The following CSMD1 variants were observed in gnomAD, a reference collection of about 807,000 sequenced individuals.
CSMD1 encodes the protein CUB and sushi domain-containing protein 1.
A neutral mutation model predicts 417.5 loss-of-function variants in CSMD1; 213 were observed. That is an observed-to-expected ratio of 0.51 (90% CI 0.46 to 0.57). CSMD1 has a LOEUF of 0.57. CSMD1 is among the 20% of genes least tolerant of loss of function. The pLI, the probability that CSMD1 is intolerant of heterozygous loss-of-function variation, is 0.00. For missense variants in CSMD1, 6,923 were observed against 4,529.7 expected, an observed-to-expected ratio of 1.53 and a Z score of -15.17; for synonymous variants, 2,862 against 1,736.8, an observed-to-expected ratio of 1.65 and a Z score of -16.11.
intron 3 of CSMD1, among the ~76,000 whole-genome samples, chr8:4,240,293 C>T (rs890119771): frequency 3.9e-5 from 6 of 152,184 alleles, no homozygotes; most frequent in Non-Finnish European, 8.8e-5. Flanking sequence ...TTGCTTTGAC[C>T]CTTATCACCT....
chr8:4,147,090 T>C (rs1050643977), intron 3 of CSMD1, among the ~76,000 whole-genome samples: 23 of 152,040 alleles, frequency 1.5e-4, no homozygotes, highest in Middle Eastern at 6.8e-3. Flanking sequence ...CTCACTCCAA[T>C]GACTGTTTAG....
At chr8:3,601,586 A>G (rs977068232) in intron 8 of CSMD1, among the ~76,000 whole-genome samples, 5 of 152,128 alleles carry the variant, frequency 3.3e-5, no homozygotes, top group African/African-American at 9.6e-5. Context: ...AGTCACCACA[A>G]TCTACTGTAG....
chr8:3,536,511 G>C (rs899796002), intron 10 of CSMD1, among the ~76,000 whole-genome samples: 4 of 152,120 alleles, frequency 2.6e-5, no homozygotes, highest in Non-Finnish European at 5.9e-5. Flanking sequence ...TCCTCTCCAG[G>C]GTATCTTCGA....
chr8:4,330,073 T>C (rs757479400), intron 3 of CSMD1, among the ~76,000 whole-genome samples: 5 of 152,140 alleles, frequency 3.3e-5, no homozygotes, highest in Non-Finnish European at 7.3e-5. Context: ...GTCTCATATA[T>C]TTCTTTAGAG....
chr8:3,342,978 C>T (rs117170776), intron 23 of CSMD1, among the ~76,000 whole-genome samples: 3,320 of 152,148 alleles, frequency 0.022, 46 homozygotes, highest in Non-Finnish European at 0.035. Flanking sequence ...CATATATAAG[C>T]ACATGAATTT....
At chr8:3,748,404 G>A (rs1797161111) in intron 6 of CSMD1, among the ~76,000 whole-genome samples, 1 of 152,164 alleles carries the variant, frequency 6.6e-6, no homozygotes, top group African/African-American at 2.4e-5. Context: ...CACTGCCATG[G>A]AAACAGGCAG....
intron 3 of CSMD1, among the ~76,000 whole-genome samples, chr8:4,061,985 C>T (rs899088726): frequency 6.6e-6 from 1 of 152,132 alleles, no homozygotes; most frequent in Non-Finnish European, 1.5e-5. Flanking sequence ...AAACCCCCTG[C>T]TGCCCTGTCT....
intron 25 of CSMD1, among the ~76,000 whole-genome samples, chr8:3,296,856 G>C (rs774191398): frequency 1.3e-5 from 2 of 152,156 alleles, no homozygotes; most frequent in Non-Finnish European, 2.9e-5. Flanking sequence ...TGGACCTGTT[G>C]AGTTTAAGTT....
intron 7 of CSMD1, among the ~76,000 whole-genome samples, chr8:3,658,561 T>C (rs975175312): frequency 1.3e-5 from 2 of 151,582 alleles, no homozygotes; most frequent in African/African-American, 4.8e-5. Context: ...GGCAGGTGGA[T>C]GACTTGAGGT....
intron 2 of CSMD1, among the ~76,000 whole-genome samples, chr8:4,632,298 A>C (rs1459301204): frequency 2.0e-5 from 3 of 152,180 alleles, no homozygotes; most frequent in African/African-American, 7.2e-5. Context: ...AGATCACCTG[A>C]GGTCAGGAGT....
At position 2,978,737 on chromosome 8, in the gene CSMD1, G is replaced by C. The variant is rs1047331140; in HGVS notation, c.8441C>G (p.Pro2814Arg). ...NAIRHGQQNF[P>R]ESFEYGMSIL... The stretch of plus-strand genomic sequence containing the variant: ...ACTCATTCCATACTCAAAACTCTCA[G>C]GGAAGTTCTGTTGCCCGTGACGAAT... Residue 2814 changes from proline (P) to arginine (R), a missense_variant, in exon 55 of 70, where the codon CCT (proline) becomes CGT (arginine). Physicochemically the swap from Pro to Arg is moderately radical, Grantham distance 103 (BLOSUM62 -2). Coordinates refer to ENST00000635120, the MANE Select transcript of CSMD1 (RefSeq NM_033225.6). 4 of 1,613,406 alleles carry C rather than the reference G, an allele frequency of 2.5e-6. No homozygotes were observed. Among genetic ancestry groups the C allele is most frequent in the Non-Finnish European group, 3.4e-6 (4 of 1,179,728 alleles).
intron 2 of CSMD1, among the ~76,000 whole-genome samples, chr8:4,565,749 CATATATATATATATATATATAT>C (rs58696547): frequency 0.022 from 2,547 of 118,426 alleles, 66 homozygotes; most frequent in African/African-American, 0.031. Flanking sequence ...AAAATATATA[CATATATATATATATATATATAT>C]ATATATATAT....
At chr8:4,208,734 G>A (rs1800124676) in intron 3 of CSMD1, among the ~76,000 whole-genome samples, 1 of 152,106 alleles carries the variant, frequency 6.6e-6, no homozygotes, top group South Asian at 2.1e-4. Context: ...TAAAAAGCAT[G>A]GAATATGGAG....
chr8:3,252,121 C>G lies in CSMD1; in HGVS notation c.4154-21890G>C, dbSNP rs191140354. ...ATGTTGAATAGTAGTGGTGAGAGAG[C>G]GCATCCCTGTCTTGTGACAGTTTGC... On this transcript the variant is annotated intron_variant, in intron 26 of 69. Coordinates refer to ENST00000635120, the MANE Select transcript of CSMD1 (RefSeq NM_033225.6). 7.4e-4 allele frequency among the ~76,000 whole-genome samples: 113 copies of G among 152,230 alleles called. 1 individual carries two copies. The East Asian group carries it at 0.011, about 15-fold the overall frequency.
intron 1 of CSMD1, among the ~76,000 whole-genome samples, chr8:4,962,450 A>T (rs537577094): frequency 6.6e-6 from 1 of 152,172 alleles, no homozygotes; most frequent in African/African-American, 2.4e-5. Flanking sequence ...CCCTCAAAGG[A>T]TCTTCCCACC....
intron 50 of CSMD1, among the ~76,000 whole-genome samples, chr8:3,037,968 T>G (rs565432582): frequency 1.1e-4 from 16 of 152,338 alleles, no homozygotes; most frequent in African/African-American, 3.6e-4. Flanking sequence ...ACTACTGTTT[T>G]TTCCATTTGT....
At chr8:4,094,757 T>C (rs1261494460) in intron 3 of CSMD1, among the ~76,000 whole-genome samples, 1 of 151,912 alleles carries the variant, frequency 6.6e-6, no homozygotes, top group Non-Finnish European at 1.5e-5. Context: ...ATGATGGAGG[T>C]GAGATGCTGA....
chr8:3,062,585 A>T (rs1265400990), intron 49 of CSMD1, among the ~76,000 whole-genome samples: 2 of 152,160 alleles, frequency 1.3e-5, no homozygotes, highest in African/African-American at 4.8e-5. Context: ...GCAGCTATGA[A>T]ATGCAAAATT....
chr8:3,122,857 C>A (rs997855357), intron 41 of CSMD1, among the ~76,000 whole-genome samples: 11 of 152,062 alleles, frequency 7.2e-5, no homozygotes, highest in Non-Finnish European at 1.2e-4. Flanking sequence ...TAACAGTCCA[C>A]CATACAGTAG....
Sources: allele counts gnomAD v4.1 joint callset (sites outside exome capture counted in the v4.1 genomes callset), GRCh38; gene constraint gnomAD v4.1.1; transcripts MANE v1.5; gene names NCBI Gene and HGNC (gene_info 2026-07-23, HGNC 2026-07-21).